Variants in ADCY9 observed in about 807,000 individuals in gnomAD.
The protein encoded by ADCY9 is adenylate cyclase type 9.
In ADCY9, 50 loss-of-function variants were observed where a neutral mutation model predicts 101.5. The observed-to-expected ratio is 0.49, with a 90% CI of 0.39 to 0.62. The LOEUF (loss-of-function observed/expected upper bound fraction) is 0.62. ADCY9 is among the 20% of genes least tolerant of loss of function. The pLI is 0.00. For missense variants in ADCY9, 1,662 were observed against 1,800.4 expected (o/e 0.92, Z 1.39); for synonymous variants, 905 against 769.3 (o/e 1.18, Z -2.92).
intron 2 of ADCY9, among the ~76,000 whole-genome samples, chr16:4,050,319 C>T (rs759622986): frequency 3.9e-4 from 59 of 152,148 alleles, no homozygotes; most frequent in Admixed American, 7.2e-4. Context: ...TACATAGATA[C>T]GAGCGGGACA....
chr16:4,010,066 C>T (rs75315950), intron 2 of ADCY9, among the ~76,000 whole-genome samples: 210 of 152,290 alleles, frequency 1.4e-3, no homozygotes, highest in Admixed American at 2.4e-3. Flanking sequence ...GGAAAAGTTG[C>T]GGCTGAAGGA....
At chr16:4,059,520 A>T (rs2056761519) in intron 2 of ADCY9, among the ~76,000 whole-genome samples, 2 of 152,228 alleles carry the variant, frequency 1.3e-5, no homozygotes. Context: ...GTAACAACAA[A>T]ACTAGACAAG....
At chr16:4,019,361 G>A (rs1343656641) in intron 2 of ADCY9, among the ~76,000 whole-genome samples, 3 of 152,124 alleles carry the variant, frequency 2.0e-5, no homozygotes, top group East Asian at 3.8e-4. Flanking sequence ...ACCCAGGGAT[G>A]TCCCAGGCTG....
At chr16:4,000,769 C>T (rs1339905881) in intron 3 of ADCY9, among the ~76,000 whole-genome samples, 2 of 151,902 alleles carry the variant, frequency 1.3e-5, no homozygotes, top group African/African-American at 4.8e-5. Flanking sequence ...CTGGTGATGG[C>T]GATCCGAGTC....
intron 3 of ADCY9, among the ~76,000 whole-genome samples, chr16:4,004,062 T>C (rs756937183): frequency 7.3e-5 from 11 of 150,644 alleles, no homozygotes; most frequent in Non-Finnish European, 1.3e-4. Context: ...TTGGCAACCA[T>C]CCTGGGCAAT....
chr16:4,044,247 T>G (rs952515299), intron 2 of ADCY9, among the ~76,000 whole-genome samples: 2 of 151,962 alleles, frequency 1.3e-5, no homozygotes, highest in South Asian at 2.1e-4. Flanking sequence ...CTCCGGAGGC[T>G]GAAGCAGGAG....
Position 4,114,838 on chromosome 16 carries a change from C to G in ADCY9, c.605G>C (p.Gly202Ala), listed in dbSNP as rs761188131. The change falls in exon 2 of 11, where the codon GGC becomes GCC. Residue 202 changes from glycine (G) to alanine (A), a missense_variant. This residue lies in a region of ADCY9 where 422 missense variants were observed against 392.0 expected (regional missense o/e 1.08). Coordinates refer to ENST00000294016, the MANE Select transcript of ADCY9 (RefSeq NM_001116.4). This position sits in a 1 kb window ranked among gnomAD's most constrained non-coding sequence, Gnocchi z 4.3. ...FQVLTPVSGR[G>A]DSSNLTATAR... ...TGTGGCCGTAAGGTTGGAGCTGTCG[C>G]CGCGTCCTGAGACAGGCGTCAAGAC... The G allele has an allele frequency of 2.5e-6, 4 of 1,613,432 alleles. No individual in the cohort carries two copies. The highest frequency in any genetic ancestry group is 2.5e-6 in the Non-Finnish European group (3 of 1,180,058).
rs977377118 is a variant in ADCY9 at position 4,116,293 on chromosome 16, C to T, written c.-647G>A. The T allele has an allele frequency of 8.2e-5, 12 of 145,886 alleles. No homozygotes were observed. Among genetic ancestry groups the T allele is most frequent in the African/African-American group, 3.0e-4 (12 of 40,566 alleles). 9.0% of individuals were successfully genotyped at this position (145,886 alleles called of 1,614,324 possible). On this transcript the variant is annotated 5_prime_UTR_variant, in exon 1 of 11. Transcript: ENST00000294016. ...CTCCCGCGACGCCGGCCGGGACGCC[C>T]GCCCGCCCGCGCCCACGCCGGGGGC...
chr16:4,013,429 A>T lies in ADCY9; in HGVS notation c.1694-5871T>A, dbSNP rs1204065704. On this transcript the variant is annotated intron_variant, in intron 2 of 10. Transcript: ENST00000294016. Reference sequence around the variant, plus strand: ...AGAGTGAAACTCCGTCTCAAAAAAGAAAAAAAAATTAAAAGAAAAAGAAGA... The same window carrying T: ...AGAGTGAAACTCCGTCTCAAAAAAGTAAAAAAAATTAAAAGAAAAAGAAGA... 4.6e-5 allele frequency among the ~76,000 whole-genome samples: 7 copies of T among 151,966 alleles called. No individual in the cohort carries two copies. In the South Asian group the frequency reaches 1.5e-3, roughly 32 times the overall value.
rs1240149987 is a variant in ADCY9 at position 3,974,717 on chromosome 16, T to G, written c.2829-7A>C. Reference sequence around the variant, plus strand: ...GGGCGAAGTTAATACAGAACTGAAATTAAAATGCAGAAAAATATTATCATA... The same window carrying G: ...GGGCGAAGTTAATACAGAACTGAAAGTAAAATGCAGAAAAATATTATCATA... On this transcript the variant is annotated splice_region_variant and splice_polypyrimidine_tract_variant and intron_variant, in intron 9 of 10. Transcript: ENST00000294016. The G allele has an allele frequency of 1.2e-6, 2 of 1,610,934 alleles. No individual in the cohort carries two copies. The highest frequency in any genetic ancestry group is 1.7e-6 in the Non-Finnish European group (2 of 1,177,602).
intron 3 of ADCY9, among the ~76,000 whole-genome samples, chr16:4,003,195 T>C (rs1332327356): frequency 6.6e-6 from 1 of 152,150 alleles, no homozygotes; most frequent in Non-Finnish European, 1.5e-5. Context: ...AGTGACTTGG[T>C]TACGGCCGAG....
At chr16:3,954,391 C>T (rs938449753) in intron 5 of ADCY9, among the ~76,000 whole-genome samples, 3 of 152,148 alleles carry the variant, frequency 2.0e-5, no homozygotes, top group Admixed American at 1.3e-4. Flanking sequence ...GAGAGCCTGG[C>T]GTGCTGCTGC....
chr16:4,035,894 G>C (rs2056585654), intron 2 of ADCY9, among the ~76,000 whole-genome samples: 1 of 151,064 alleles, frequency 6.6e-6, no homozygotes, highest in African/African-American at 2.4e-5. Flanking sequence ...AGCTACTTGG[G>C]AGGCTGAGGG....
At chr16:3,990,570 ACG>A (rs2056236260) in intron 5 of ADCY9, among the ~76,000 whole-genome samples, 1 of 151,950 alleles carries the variant, frequency 6.6e-6, no homozygotes, top group Non-Finnish European at 1.5e-5. Flanking sequence ...TCCTTGCAGC[ACG>A]GCGGACACTC....
intron 2 of ADCY9, among the ~76,000 whole-genome samples, chr16:4,017,501 A>C (rs1360647303): frequency 3.6e-5 from 5 of 138,512 alleles, no homozygotes; most frequent in Non-Finnish European, 6.4e-5. Context: ...AAAATTAGCC[A>C]GGCGTGGTGA....
At chr16:4,056,143 G>A (rs1411888989) in intron 2 of ADCY9, among the ~76,000 whole-genome samples, 2 of 152,206 alleles carry the variant, frequency 1.3e-5, no homozygotes, top group Admixed American at 1.3e-4. Flanking sequence ...GTGACATCAG[G>A]ATTCTTCAAT....
At chr16:4,037,870 G>C (rs1186307723) in intron 2 of ADCY9, among the ~76,000 whole-genome samples, 1 of 152,190 alleles carries the variant, frequency 6.6e-6, no homozygotes, top group Non-Finnish European at 1.5e-5. Context: ...GCTGGTACTA[G>C]AAAAGAGACA....
At chr16:4,042,137 C>T (rs1003694882) in intron 2 of ADCY9, among the ~76,000 whole-genome samples, 1 of 151,944 alleles carries the variant, frequency 6.6e-6, no homozygotes, top group Non-Finnish European at 1.5e-5. Flanking sequence ...GTTGGCCAGG[C>T]TGGTCTCAAA....
At chr16:4,010,234 C>T (rs971472266) in intron 2 of ADCY9, among the ~76,000 whole-genome samples, 13 of 152,318 alleles carry the variant, frequency 8.5e-5, no homozygotes, top group Non-Finnish European at 1.9e-4. Context: ...CAGGTGACTG[C>T]GCACCTGCTC....
Sources: gnomAD v4.1 joint callset for allele counts (sites outside exome capture counted in the v4.1 genomes callset) on GRCh38, gnomAD v4.1.1 for gene constraint, gnomAD v4.1.1 regional missense constraint, Gnocchi (gnomAD v3.1) non-coding constraint, MANE v1.5 for transcripts, NCBI Gene and HGNC (gene_info 2026-07-23, HGNC 2026-07-21) for gene names.